The following ADAMTS17 variants were observed in gnomAD, a reference collection of about 807,000 sequenced individuals.
ADAMTS17 encodes the protein ADAM metallopeptidase with thrombospondin type 1 motif 17, also known as A disintegrin and metalloproteinase with thrombospondin motifs 17.
A neutral mutation model predicts 141.5 loss-of-function variants in ADAMTS17; 113 were observed. The ratio of observed to expected loss-of-function variants is 0.80; its 90% CI spans 0.69 to 0.93. ADAMTS17 has a LOEUF of 0.93. Among genes scored for constraint, ADAMTS17 ranks in the 40% least tolerant of loss-of-function variants. The pLI, the probability that ADAMTS17 is intolerant of heterozygous loss-of-function variation, is 0.00. For synonymous variants in ADAMTS17, 768 were observed against 630.6 expected (o/e 1.22, Z -3.27); for missense variants, 1,659 against 1,517.9 (o/e 1.09, Z -1.54).
At chr15:100,249,817 G>A (rs2043098509) in intron 7 of ADAMTS17, among the ~76,000 whole-genome samples, 1 of 152,186 alleles carries the variant, frequency 6.6e-6, no homozygotes, top group Non-Finnish European at 1.5e-5. Flanking sequence ...CATTCAAACT[G>A]AGATCTGAAA....
At chr15:100,102,597 A>C (rs539872483) in intron 14 of ADAMTS17, among the ~76,000 whole-genome samples, 44 of 150,112 alleles carry the variant, frequency 2.9e-4, no homozygotes, top group Non-Finnish European at 4.8e-4. Flanking sequence ...ACTGAAGGAG[A>C]TCTACATTTG....
intron 15 of ADAMTS17, among the ~76,000 whole-genome samples, chr15:100,087,569 C>T (rs1472376895): frequency 2.0e-5 from 3 of 152,200 alleles, no homozygotes; most frequent in African/African-American, 7.2e-5. Flanking sequence ...CCTTGATGAA[C>T]ATTGAAGCAA....
chr15:100,270,232 G>A (rs1289492801), intron 4 of ADAMTS17, among the ~76,000 whole-genome samples: 3 of 152,118 alleles, frequency 2.0e-5, no homozygotes, highest in Non-Finnish European at 4.4e-5. Flanking sequence ...TGGATGAGAA[G>A]CCATTTGTAG....
At chr15:100,297,569 C>T (rs1190617399) in intron 3 of ADAMTS17, among the ~76,000 whole-genome samples, 4 of 152,160 alleles carry the variant, frequency 2.6e-5, no homozygotes, top group African/African-American at 4.8e-5. Context: ...AGGATAATTC[C>T]TCACTGACCT....
At chr15:100,019,203 A>G (rs892902) in intron 18 of ADAMTS17, among the ~76,000 whole-genome samples, 92,167 of 152,058 alleles carry the variant, frequency 0.61, 30,036 homozygotes, top group Non-Finnish European at 0.75. Context: ...TTAAGACACA[A>G]CAAACAATAC....
At chr15:100,050,806 C>G (rs2141585926) in intron 17 of ADAMTS17, among the ~76,000 whole-genome samples, 1 of 152,350 alleles carries the variant, frequency 6.6e-6, no homozygotes, top group Non-Finnish European at 1.5e-5. Context: ...TCCACCCACC[C>G]TGTGTTCCAT....
chr15:100,289,865 C>A (rs1328880535), intron 3 of ADAMTS17, among the ~76,000 whole-genome samples: 2 of 152,058 alleles, frequency 1.3e-5, no homozygotes, highest in Non-Finnish European at 2.9e-5. Flanking sequence ...AGGAGCATAC[C>A]TCAAAATAGT....
intron 21 of ADAMTS17, among the ~76,000 whole-genome samples, chr15:99,975,096 GA>G (rs1479350272): frequency 6.6e-6 from 1 of 152,318 alleles, no homozygotes; most frequent in Middle Eastern, 3.4e-3. Context: ...GCCTCCCCCG[GA>G]ACAAAGATAC....
chr15:100,340,128 C>T (rs1313454828), intron 2 of ADAMTS17, among the ~76,000 whole-genome samples: 1 of 152,274 alleles, frequency 6.6e-6, no homozygotes, highest in Non-Finnish European at 1.5e-5. Flanking sequence ...CCATACCAAG[C>T]TTCGCTGGGG....
intron 8 of ADAMTS17, among the ~76,000 whole-genome samples, chr15:100,198,637 A>C (rs75647765): frequency 0.085 from 12,914 of 152,224 alleles, 920 homozygotes; most frequent in African/African-American, 0.18. Context: ...CTCTAGGAAA[A>C]AGAACAACCC....
At chr15:100,299,480 C>G (rs1192055469) in intron 3 of ADAMTS17, among the ~76,000 whole-genome samples, 1 of 150,028 alleles carries the variant, frequency 6.7e-6, no homozygotes, top group African/African-American at 2.5e-5. Context: ...CCTATAGCAG[C>G]TTGACAGTTT....
chr15:100,141,648 C>T (rs901951882), intron 10 of ADAMTS17, among the ~76,000 whole-genome samples: 6 of 152,152 alleles, frequency 3.9e-5, no homozygotes, highest in African/African-American at 1.2e-4. Flanking sequence ...CTACAGAGAC[C>T]GTCACCTGGC....
intron 15 of ADAMTS17, among the ~76,000 whole-genome samples, chr15:100,072,035 G>A (rs1402238334): frequency 6.7e-6 from 1 of 150,036 alleles, no homozygotes; most frequent in African/African-American, 2.5e-5. Context: ...ATCTCCTTGA[G>A]CTGATAGGCA....
chr15:100,280,537 G>A (rs1348957067), intron 4 of ADAMTS17, among the ~76,000 whole-genome samples: 2 of 152,136 alleles, frequency 1.3e-5, no homozygotes, highest in Non-Finnish European at 2.9e-5. Flanking sequence ...TTCTCAGGGT[G>A]GAGCCCCTGC....
chr15:100,148,652 A>G (rs1211048469), intron 10 of ADAMTS17, among the ~76,000 whole-genome samples: 3 of 151,492 alleles, frequency 2.0e-5, no homozygotes, highest in African/African-American at 4.9e-5. Context: ...CTCCTTGAAG[A>G]TTTTCTCTTT....
intron 3 of ADAMTS17, among the ~76,000 whole-genome samples, chr15:100,301,871 GCATCCTAATTT>G (rs2045051681): frequency 1.3e-5 from 2 of 152,010 alleles, no homozygotes; most frequent in East Asian, 3.8e-4. Flanking sequence ...TACTATTAAA[GCATCCTAATTT>G]ATGTTTTACA....
rs796527270 is a variant in ADAMTS17, at chr15:100,193,710, C to T, written c.1181+5608G>A. 6.6e-5 allele frequency among the ~76,000 whole-genome samples: 10 copies of T among 152,324 alleles called. No individual in the cohort carries two copies. In the South Asian group the frequency reaches 8.3e-4, roughly 13 times the overall value. ...GCGCGTCACTGCCAGGCACCATCTA[C>T]GCCAAGCTCCCAGCTTGTGTCAAGA... On this transcript the variant is annotated intron_variant, in intron 8 of 21. Coordinates refer to ENST00000268070, the MANE Select transcript of ADAMTS17 (RefSeq NM_139057.4).
At position 100,335,899 on chromosome 15, in the gene ADAMTS17, G is replaced by C. The variant is rs567551689; in HGVS notation, c.451-4845C>G. ...AGCAAGAATGTGACTATGCATCTGG[G>C]GACCTGTGCACAGAAGCGGGTCCAG... On this transcript the variant is annotated intron_variant, in intron 2 of 21. Coordinates refer to ENST00000268070, the MANE Select transcript of ADAMTS17 (RefSeq NM_139057.4). Among the ~76,000 whole-genome samples, 5 of 152,152 alleles carry C rather than the reference G, an allele frequency of 3.3e-5. No individual in the cohort carries two copies. The South Asian group carries it at 1.0e-3, about 32-fold the overall frequency.
At chr15:100,271,120 G>A (rs552254959) in intron 4 of ADAMTS17, among the ~76,000 whole-genome samples, 6 of 152,112 alleles carry the variant, frequency 3.9e-5, no homozygotes, top group South Asian at 4.2e-4. Context: ...ATACCTATAC[G>A]CTATATTTAT....
Sources: allele counts gnomAD v4.1 joint callset (sites outside exome capture counted in the v4.1 genomes callset), GRCh38; gene constraint gnomAD v4.1.1; transcripts MANE v1.5; gene names NCBI Gene and HGNC (gene_info 2026-07-23, HGNC 2026-07-21).